The following RASGRF1 variants were observed in gnomAD, a reference collection of about 807,000 sequenced individuals.
The protein encoded by RASGRF1 is Ras protein specific guanine nucleotide releasing factor 1.
A neutral mutation model predicts 138.7 loss-of-function variants in RASGRF1; 40 were observed. That is an observed-to-expected ratio of 0.29 (90% CI 0.22 to 0.38). The LOEUF (loss-of-function observed/expected upper bound fraction) is 0.38, where lower values mean the gene tolerates loss of function less well. RASGRF1 is among the 10% of genes least tolerant of loss of function. The pLI is 1.00. For synonymous variants in RASGRF1, 614 were observed against 663.2 expected (o/e 0.93, Z 1.14); for missense variants, 1,108 against 1,650.4 (o/e 0.67, Z 5.69).
At chr15:78,992,858 GAC>G (rs1239264827) in intron 20 of RASGRF1, among the ~76,000 whole-genome samples, 1 of 152,204 alleles carries the variant, frequency 6.6e-6, no homozygotes, top group East Asian at 1.9e-4. Flanking sequence ...TTCCTCCACA[GAC>G]GGGCACTGAG....
At chr15:79,044,140 C>T (rs1304387291) in intron 5 of RASGRF1, among the ~76,000 whole-genome samples, 1 of 152,202 alleles carries the variant, frequency 6.6e-6, no homozygotes, top group African/African-American at 2.4e-5. Context: ...CAAGGAGTGC[C>T]CCTCCACATG....
In RASGRF1 at chr15:78,985,112, T is replaced by C; in HGVS notation, c.3309A>G (p.Ile1103Met). 1 of 1,613,524 alleles carries C rather than the reference T, an allele frequency of 6.2e-7. No homozygotes were observed. Among genetic ancestry groups the C allele is most frequent in the Non-Finnish European group, 8.5e-7 (1 of 1,179,450 alleles). Reference protein sequence around the residue: ...AIEKWVAVADICRCLHNYNAV... With the variant: ...AIEKWVAVADMCRCLHNYNAV... Reference sequence around the variant, plus strand: ...CATTGTAGTTGTGGAGGCAGCGGCATATGTCAGCTACGGCCACCCACTTCT... The same window carrying C: ...CATTGTAGTTGTGGAGGCAGCGGCACATGTCAGCTACGGCCACCCACTTCT... The change falls in exon 23 of 27, where the codon ATA becomes ATG. Residue 1103 changes from isoleucine (I) to methionine (M), a missense_variant. By Grantham distance (10) the Ile-to-Met change is conservative. This residue lies in a region of RASGRF1 where 686 missense variants were observed against 976.7 expected (regional missense o/e 0.70). Coordinates refer to ENST00000558480, the MANE Select transcript of RASGRF1 (RefSeq NM_001145648.3).
At chr15:79,021,504 A>G (rs886276997) in intron 10 of RASGRF1, among the ~76,000 whole-genome samples, 1 of 152,250 alleles carries the variant, frequency 6.6e-6, no homozygotes, top group African/African-American at 2.4e-5. Context: ...TAGCTCTGAC[A>G]TTCTCTTACT....
At chr15:79,078,758 C>T (rs557017522) in intron 1 of RASGRF1, among the ~76,000 whole-genome samples, 7 of 152,312 alleles carry the variant, frequency 4.6e-5, no homozygotes, top group South Asian at 2.1e-4. Context: ...CCGTGGTGGC[C>T]GCACCAGAAC....
chr15:79,029,109 T>C (rs1390565698), intron 8 of RASGRF1, among the ~76,000 whole-genome samples: 4 of 152,264 alleles, frequency 2.6e-5, no homozygotes, highest in Admixed American at 2.6e-4. Flanking sequence ...TCTTTCCTGG[T>C]TGAGGACATG....
At position 78,985,004 on chromosome 15, in the gene RASGRF1, C is replaced by T. The variant is rs2056119592; in HGVS notation, c.3414+3G>A. 1 of 1,613,940 alleles carries T rather than the reference C, an allele frequency of 6.2e-7. No homozygotes were observed. The highest frequency in any genetic ancestry group is 8.5e-7 in the Non-Finnish European group (1 of 1,179,770). ...GGCAGTGGTGCCAGCCTCCTGCCCGCACCTGCTTAGAGACTTTGAGCCACG... is the reference window on the plus strand; with the variant it reads ...GGCAGTGGTGCCAGCCTCCTGCCCGTACCTGCTTAGAGACTTTGAGCCACG... On this transcript the variant is annotated splice_donor_region_variant and intron_variant, in intron 23 of 26. Transcript: ENST00000558480.
intron 24 of RASGRF1, among the ~76,000 whole-genome samples, chr15:78,976,695 G>A (rs1236783538): frequency 2.0e-5 from 3 of 152,174 alleles, no homozygotes; most frequent in East Asian, 1.9e-4. Flanking sequence ...GAGCCACACC[G>A]AGCCTCTGAA....
At chr15:78,986,156 G>T (rs1413747704) in intron 22 of RASGRF1, among the ~76,000 whole-genome samples, 2 of 152,046 alleles carry the variant, frequency 1.3e-5, no homozygotes, top group African/African-American at 4.8e-5. Context: ...CACAGTAGAA[G>T]ATATCTTCAA....
Position 79,073,951 on chromosome 15 carries a change from C to T in RASGRF1, c.277-9425G>A, listed in dbSNP as rs1205094015. Reference sequence around the variant, plus strand: ...AGAAGCATTGCTTAAGGCAAGCCACCATTACTTGAGATAAAACTACATGTG... The same window carrying T: ...AGAAGCATTGCTTAAGGCAAGCCACTATTACTTGAGATAAAACTACATGTG... On this transcript the variant is annotated intron_variant, in intron 1 of 26. Transcript: ENST00000558480. The surrounding 1 kb of genome is among the most constrained non-coding windows in gnomAD (Gnocchi z 4.2). Among the ~76,000 whole-genome samples the T allele has an allele frequency of 6.6e-6, 1 of 152,194 alleles. No individual in the cohort carries two copies. Among genetic ancestry groups the T allele is most frequent in the African/African-American group, 2.4e-5 (1 of 41,448 alleles).
At chr15:79,061,675 A>C (rs1437590661) in intron 2 of RASGRF1, among the ~76,000 whole-genome samples, 1 of 152,050 alleles carries the variant, frequency 6.6e-6, no homozygotes, top group Non-Finnish European at 1.5e-5. Context: ...ACCAAATATC[A>C]TGTACTATTT....
chr15:79,033,217 G>C (rs965224906), intron 6 of RASGRF1, among the ~76,000 whole-genome samples: 2 of 152,138 alleles, frequency 1.3e-5, no homozygotes, highest in Admixed American at 6.5e-5. Flanking sequence ...AGGCTGGGAT[G>C]GGGTCATGTG....
chr15:79,044,671 G>A (rs1038645153), intron 5 of RASGRF1, among the ~76,000 whole-genome samples: 7 of 152,198 alleles, frequency 4.6e-5, no homozygotes, highest in Admixed American at 6.5e-5. Flanking sequence ...CCCTGCTGAA[G>A]GATTCCTGGG....
In RASGRF1 at chr15:78,997,852, G is replaced by C. The variant is rs2056429097; in HGVS notation, c.2966+244C>G. The C allele has an allele frequency of 1.1e-5, 6 of 539,944 alleles. No individual in the cohort carries two copies. In the East Asian group the frequency reaches 2.0e-4, roughly 18 times the overall value. The allele number at this position is 539,944 out of a possible 1,614,324, so 33.4% of individuals were successfully genotyped here. ...GGACACACATGGAGAAGTGTGCTGGGTTCTTGCTTTGAAGAGATCAAGGTC... is the reference window on the plus strand; with the variant it reads ...GGACACACATGGAGAAGTGTGCTGGCTTCTTGCTTTGAAGAGATCAAGGTC... On this transcript the variant is annotated intron_variant, in intron 19 of 26. Transcript: ENST00000558480.
At position 79,073,791 on chromosome 15, in the gene RASGRF1, T is replaced by C. The variant is rs1350224594; in HGVS notation, c.277-9265A>G. ...CCCACCACCCTTACTGCCATGAGAG[T>C]CCTTAAAGTCACTGGAGCTGCAGCA... On this transcript the variant is annotated intron_variant, in intron 1 of 26. Transcript: ENST00000558480. The surrounding 1 kb of genome is among the most constrained non-coding windows in gnomAD (Gnocchi z 4.2). 1.3e-5 allele frequency among the ~76,000 whole-genome samples: 2 copies of C among 152,064 alleles called. No homozygotes were observed. The highest frequency in any genetic ancestry group is 3.9e-4 in the East Asian group (2 of 5,186).
intron 24 of RASGRF1, among the ~76,000 whole-genome samples, chr15:78,975,260 A>G (rs1344251832): frequency 6.6e-6 from 1 of 152,170 alleles, no homozygotes; most frequent in Non-Finnish European, 1.5e-5. Context: ...AACAAGTGAA[A>G]AAGAAAATAT....
At chr15:79,033,070 C>G (rs997327342) in intron 6 of RASGRF1, among the ~76,000 whole-genome samples, 1 of 152,142 alleles carries the variant, frequency 6.6e-6, no homozygotes, top group African/African-American at 2.4e-5. Context: ...GGCTTCCAGG[C>G]TCTGCATTAT....
chr15:79,045,173 C>T (rs2057341555), intron 5 of RASGRF1, among the ~76,000 whole-genome samples: 1 of 152,168 alleles, frequency 6.6e-6, no homozygotes, highest in Admixed American at 6.5e-5. Context: ...ATTTTGGTGC[C>T]ATCTGGGACC....
intron 20 of RASGRF1, among the ~76,000 whole-genome samples, chr15:78,992,487 C>T (rs1247955496): frequency 6.6e-6 from 1 of 152,148 alleles, no homozygotes; most frequent in Non-Finnish European, 1.5e-5. Context: ...CATAGGGAGG[C>T]CAGTGTATTG....
rs1381781477 is a variant in RASGRF1, at chr15:79,059,252, TCCTTCCCTTC to T, written c.384-781_384-772del. ...CCCTTCCCTTCCCTTCCCTTCCCTATCCTTCCCTTCCCTTCCCTTCCCTATCCTTCCCTTC... is the reference window on the plus strand; with the variant it reads ...CCCTTCCCTTCCCTTCCCTTCCCTATCCTTCCCTTCCCTATCCTTCCCTTC... On this transcript the variant is annotated intron_variant, in intron 2 of 26. Coordinates refer to ENST00000558480, the MANE Select transcript of RASGRF1 (RefSeq NM_001145648.3). Among the ~76,000 whole-genome samples, 208 of 22,636 alleles carry T rather than the reference TCCTTCCCTTC, an allele frequency of 9.2e-3. 9 individuals carry two copies. Among genetic ancestry groups the T allele is most frequent in the African/African-American group, 0.058 (199 of 3,408 alleles). 14.9% of individuals were successfully genotyped at this position (22,636 alleles called of 152,430 possible).
Sources: gnomAD v4.1 joint callset for allele counts (sites outside exome capture counted in the v4.1 genomes callset) on GRCh38, gnomAD v4.1.1 for gene constraint, gnomAD v4.1.1 regional missense constraint, Gnocchi (gnomAD v3.1) non-coding constraint, MANE v1.5 for transcripts, NCBI Gene and HGNC (gene_info 2026-07-23, HGNC 2026-07-21) for gene names.